Variants in LRRC49 observed in about 807,000 individuals in gnomAD.
LRRC49 encodes the protein leucine-rich repeat-containing protein 49.
In LRRC49, 50 loss-of-function variants were observed where a neutral mutation model predicts 83.3. The observed-to-expected ratio is 0.60, with a 90% CI of 0.48 to 0.76. LRRC49 has a LOEUF of 0.76. Among genes scored for constraint, LRRC49 ranks in the 30% least tolerant of loss-of-function variants. The probability of loss-of-function intolerance (pLI) is 0.00; values close to 1 mark genes in which losing one functional copy is unlikely to be tolerated. For missense variants in LRRC49, 704 were observed against 809.1 expected (o/e 0.87, Z 1.58); for synonymous variants, 286 against 283.3 (o/e 1.01, Z -0.10).
chr15:70,940,479 G>A (rs371401799), intron 8 of LRRC49, among the ~76,000 whole-genome samples: 5 of 145,374 alleles, frequency 3.4e-5, no homozygotes, highest in South Asian at 2.1e-4. Context: ...GCCTGACCTC[G>A]TGATCCTCCC....
At chr15:70,981,521 T>TA (rs931101266) in intron 10 of LRRC49, among the ~76,000 whole-genome samples, 5 of 151,596 alleles carry the variant, frequency 3.3e-5, no homozygotes, top group East Asian at 1.9e-4. Context: ...TGCTAAAAAA[T>TA]AAAAAAAAGA....
chr15:70,945,697 C>T (rs2035983481), intron 8 of LRRC49, among the ~76,000 whole-genome samples: 1 of 151,012 alleles, frequency 6.6e-6, no homozygotes. Context: ...AATTGCCTGA[C>T]CATTAAGGGC....
intron 6 of LRRC49, among the ~76,000 whole-genome samples, chr15:70,916,495 A>C (rs1013810403): frequency 6.6e-6 from 1 of 152,110 alleles, no homozygotes; most frequent in Non-Finnish European, 1.5e-5. Context: ...GGGTTTCACC[A>C]TGTTGGTCAG....
At chr15:70,950,512 T>G (rs2036179114) in intron 8 of LRRC49, among the ~76,000 whole-genome samples, 1 of 152,184 alleles carries the variant, frequency 6.6e-6, no homozygotes, top group Non-Finnish European at 1.5e-5. Context: ...TAATGATTAG[T>G]GATGATATGA....
At chr15:71,002,363 A>G (rs1322508442) in intron 11 of LRRC49, among the ~76,000 whole-genome samples, 3 of 152,192 alleles carry the variant, frequency 2.0e-5, no homozygotes, top group Non-Finnish European at 4.4e-5. Context: ...TGAAAAAATT[A>G]TAGACACAAA....
chr15:70,966,093 ATT>A (rs2141202185), intron 9 of LRRC49, among the ~76,000 whole-genome samples: 1 of 152,268 alleles, frequency 6.6e-6, no homozygotes, highest in African/African-American at 2.4e-5. Context: ...CAAAATATTT[ATT>A]ATCTGGCTGA....
At chr15:71,045,394 CATCA>C (rs1221349824) in intron 15 of LRRC49, among the ~76,000 whole-genome samples, 2 of 152,280 alleles carry the variant, frequency 1.3e-5, no homozygotes, top group Admixed American at 1.3e-4. Context: ...TCTATCCATC[CATCA>C]GTCTACCTTC....
At chr15:71,036,389 A>C (rs1239127377) in intron 14 of LRRC49, among the ~76,000 whole-genome samples, 2 of 152,160 alleles carry the variant, frequency 1.3e-5, no homozygotes, top group Non-Finnish European at 2.9e-5. Flanking sequence ...AAAAATCTCT[A>C]AAATTATTGT....
intron 6 of LRRC49, among the ~76,000 whole-genome samples, chr15:70,912,970 C>A (rs2141124138): frequency 6.6e-6 from 1 of 152,330 alleles, no homozygotes; most frequent in African/African-American, 2.4e-5. Flanking sequence ...AGCCACCGTG[C>A]CCAGCTCTAT....
chr15:71,049,721 G>A lies in LRRC49; in HGVS notation c.*109G>A. 1 of 694,690 alleles carries A rather than the reference G, an allele frequency of 1.4e-6. No homozygotes were observed. Among genetic ancestry groups the A allele is most frequent in the Non-Finnish European group, 2.4e-6 (1 of 415,546 alleles). The allele number at this position is 694,690 out of a possible 1,614,324, so 43.0% of individuals were successfully genotyped here. A position where few individuals can be genotyped will look rare whatever the true frequency, so the allele number is the denominator to read the frequency against. Reference sequence around the variant, plus strand: ...ACAACACTATCCTATAAACTAGAAAGACTAGTATAAAAGCATTATTGCCCA... The same window carrying A: ...ACAACACTATCCTATAAACTAGAAAAACTAGTATAAAAGCATTATTGCCCA... On this transcript the variant is annotated 3_prime_UTR_variant, in exon 16 of 16. Coordinates refer to ENST00000260382, the MANE Select transcript of LRRC49 (RefSeq NM_017691.5).
chr15:70,932,787 A>G (rs567458768), intron 7 of LRRC49, among the ~76,000 whole-genome samples: 15 of 134,212 alleles, frequency 1.1e-4, no homozygotes, highest in South Asian at 4.6e-4. Flanking sequence ...TAGAGTACAG[A>G]GGCGCAATCT....
At chr15:70,945,850 G>T (rs1377780488) in intron 8 of LRRC49, among the ~76,000 whole-genome samples, 1 of 152,074 alleles carries the variant, frequency 6.6e-6, no homozygotes, top group Non-Finnish European at 1.5e-5. Flanking sequence ...GCACAGGAAG[G>T]TATCACAGTG....
chr15:70,956,487 C>T (rs988492843), intron 8 of LRRC49, among the ~76,000 whole-genome samples: 1 of 142,622 alleles, frequency 7.0e-6, no homozygotes. Context: ...ATTGAGTGTT[C>T]TTAAACCCTC....
chr15:70,924,104 T>C (rs2035105803), intron 7 of LRRC49, among the ~76,000 whole-genome samples: 1 of 151,880 alleles, frequency 6.6e-6, no homozygotes, highest in South Asian at 2.1e-4. Flanking sequence ...TCTAGAAGAG[T>C]CTTTTTTTGT....
At chr15:70,894,836 TG>T (rs919243089) in intron 2 of LRRC49, 22 of 197,288 alleles carry the variant, frequency 1.1e-4, no homozygotes, top group Admixed American at 4.6e-4. Flanking sequence ...TATATGAATA[TG>T]AAAATGGTAA....
intron 11 of LRRC49, among the ~76,000 whole-genome samples, chr15:70,985,412 G>A (rs1358909015): frequency 1.3e-5 from 2 of 151,930 alleles, no homozygotes; most frequent in African/African-American, 4.8e-5. Flanking sequence ...GTGTTTTTTT[G>A]GCTGCATAAA....
chr15:70,965,333 C>A (rs1446876383), intron 9 of LRRC49, among the ~76,000 whole-genome samples: 1 of 152,128 alleles, frequency 6.6e-6, no homozygotes, highest in Non-Finnish European at 1.5e-5. Context: ...TCTTGCCTGG[C>A]ACCTACAGAT....
chr15:71,017,556 C>A (rs1370743955), intron 14 of LRRC49, among the ~76,000 whole-genome samples: 3 of 151,650 alleles, frequency 2.0e-5, no homozygotes, highest in Non-Finnish European at 4.4e-5. Flanking sequence ...AAAGGCAAAG[C>A]ATATAAAGAG....
intron 11 of LRRC49, among the ~76,000 whole-genome samples, chr15:71,006,963 C>G (rs2038480405): frequency 6.6e-6 from 1 of 152,128 alleles, no homozygotes; most frequent in Middle Eastern, 3.4e-3. Context: ...CTTCACCTTT[C>G]TAAGATTATT....
Sources: gnomAD v4.1 joint callset for allele counts (sites outside exome capture counted in the v4.1 genomes callset) on GRCh38, gnomAD v4.1.1 for gene constraint, MANE v1.5 for transcripts, NCBI Gene and HGNC (gene_info 2026-07-23, HGNC 2026-07-21) for gene names.